Variants in MTCL2 observed in about 807,000 individuals in gnomAD.
MTCL2 encodes microtubule cross-linking factor 2.
chr20:36,829,598 G>C, the MTCL2 span, among the ~76,000 whole-genome samples: 1 of 148,782 alleles, frequency 6.7e-6, no homozygotes, highest in Non-Finnish European at 1.5e-5. Context: ...TCTCACTGCA[G>C]GCTTGAACTC....
At chr20:36,820,725 C>T in the MTCL2 span, among the ~76,000 whole-genome samples, 66 of 152,090 alleles carry the variant, frequency 4.3e-4, 1 homozygote, top group Middle Eastern at 6.8e-3. Context: ...ACCTGTAATC[C>T]CAGCTACTAG....
At chr20:36,815,936 G>A in the MTCL2 span, 6 of 1,612,314 alleles carry the variant, frequency 3.7e-6, no homozygotes, top group African/African-American at 1.3e-5. This position sits in a 1 kb window ranked among gnomAD's most constrained non-coding sequence, Gnocchi z 5.3. Flanking sequence ...CGCACTCTCC[G>A]CCACCCAGCG....
the MTCL2 span, chr20:36,812,806 C>T: frequency 6.2e-7 from 1 of 1,613,368 alleles, no homozygotes; most frequent in Non-Finnish European, 8.5e-7. Flanking sequence ...CCTCTCGGAT[C>T]CTGGGCTCCC....
chr20:36,844,660 A>G, the MTCL2 span, among the ~76,000 whole-genome samples: 1 of 152,032 alleles, frequency 6.6e-6, no homozygotes, highest in Non-Finnish European at 1.5e-5. Flanking sequence ...ACTGCACTCC[A>G]GCCTGGGTAA....
At chr20:36,791,679 G>A in the MTCL2 span, among the ~76,000 whole-genome samples, 1 of 152,218 alleles carries the variant, frequency 6.6e-6, no homozygotes, top group African/African-American at 2.4e-5. Context: ...ATTTGTGTCA[G>A]TCTCTCCTAG....
At chr20:36,828,987 G>A in the MTCL2 span, 1 of 1,454,586 alleles carries the variant, frequency 6.9e-7, no homozygotes. Context: ...CAGAGACACT[G>A]GCTTGGGGGG....
chr20:36,838,256 T>G, the MTCL2 span, among the ~76,000 whole-genome samples: 1 of 152,126 alleles, frequency 6.6e-6, no homozygotes, highest in African/African-American at 2.4e-5. Flanking sequence ...TTCACTGTAT[T>G]AGCCAGGATG....
chr20:36,806,246 C>T, the MTCL2 span, among the ~76,000 whole-genome samples: 2 of 152,140 alleles, frequency 1.3e-5, no homozygotes, highest in Non-Finnish European at 1.5e-5. Context: ...CAGAAGGGAC[C>T]TTGCTGGGGG....
chr20:36,790,651 G>T, the MTCL2 span, among the ~76,000 whole-genome samples: 1 of 150,272 alleles, frequency 6.7e-6, no homozygotes, highest in Non-Finnish European at 1.5e-5. Flanking sequence ...TGCCCAGGCT[G>T]GTCTTAAATT....
the MTCL2 span, among the ~76,000 whole-genome samples, chr20:36,848,212 C>A: frequency 9.2e-5 from 14 of 152,268 alleles, no homozygotes; most frequent in Admixed American, 8.5e-4. Context: ...CCCTATGCCA[C>A]CCAAGGAGGG....
At chr20:36,820,153 G>A in the MTCL2 span, among the ~76,000 whole-genome samples, 1 of 152,158 alleles carries the variant, frequency 6.6e-6, no homozygotes, top group African/African-American at 2.4e-5. Context: ...CCCTTGCAAC[G>A]CTGAGTTTAT....
the MTCL2 span, among the ~76,000 whole-genome samples, chr20:36,795,473 T>C: frequency 3.3e-5 from 5 of 152,160 alleles, no homozygotes; most frequent in Non-Finnish European, 5.9e-5. Context: ...GGTTTTTTTT[T>C]CTGCCTGTGG....
chr20:36,836,844 T>C, the MTCL2 span, among the ~76,000 whole-genome samples: 4 of 152,058 alleles, frequency 2.6e-5, no homozygotes, highest in Non-Finnish European at 5.9e-5. Context: ...TACAATCCCA[T>C]TGTGCACCAA....
chr20:36,838,076 C>T, the MTCL2 span, among the ~76,000 whole-genome samples: 3 of 150,898 alleles, frequency 2.0e-5, no homozygotes, highest in South Asian at 6.3e-4. Context: ...GAGACGGAGT[C>T]TCGCTCTGTC....
the MTCL2 span, chr20:36,810,101 C>A: frequency 6.3e-7 from 1 of 1,595,360 alleles, no homozygotes; most frequent in Non-Finnish European, 8.5e-7. Context: ...AGCTGCAGCT[C>A]CTTGATCTGT....
At chr20:36,843,654 C>T in the MTCL2 span, among the ~76,000 whole-genome samples, 1 of 152,218 alleles carries the variant, frequency 6.6e-6, no homozygotes, top group Non-Finnish European at 1.5e-5. Flanking sequence ...CCAGATGGAT[C>T]TGTGTTCAAA....
chr20:36,860,230 T>C, the MTCL2 span, among the ~76,000 whole-genome samples: 1 of 152,158 alleles, frequency 6.6e-6, no homozygotes, highest in African/African-American at 2.4e-5. Flanking sequence ...ATCTTCTTAC[T>C]CCAGACCCTC....
At chr20:36,819,729 G>C in the MTCL2 span, among the ~76,000 whole-genome samples, 1 of 152,164 alleles carries the variant, frequency 6.6e-6, no homozygotes, top group African/African-American at 2.4e-5. Context: ...GCCAGGCAAG[G>C]AGAGCTCCAG....
chr20:36,808,353 CG>C, the MTCL2 span, among the ~76,000 whole-genome samples: 1 of 131,840 alleles, frequency 7.6e-6, no homozygotes, highest in Non-Finnish European at 1.6e-5. Context: ...GACTCCATCT[CG>C]GAAAAAAAAA....
Sources: allele counts gnomAD v4.1 joint callset (sites outside exome capture counted in the v4.1 genomes callset), GRCh38; gene constraint gnomAD v4.1.1; non-coding constraint Gnocchi (gnomAD v3.1); transcripts MANE v1.5; gene names NCBI Gene and HGNC (gene_info 2026-07-23, HGNC 2026-07-21).